The following CHCHD1 variants were observed in gnomAD, a reference collection of about 807,000 sequenced individuals.
The protein encoded by CHCHD1 is coiled-coil-helix-coiled-coil-helix domain containing 1.
In CHCHD1, 12 loss-of-function variants were observed where a neutral mutation model predicts 12.7. That is an observed-to-expected ratio of 0.95 (90% confidence interval 0.61 to 1.53). The LOEUF is 1.53. Among genes scored for constraint, CHCHD1 ranks in the 40% most tolerant of loss-of-function variants. CHCHD1 has a pLI of 0.00. For synonymous variants in CHCHD1, 57 were observed against 62.4 expected (o/e 0.91, Z 0.41); for missense variants, 151 against 155.8 (o/e 0.97, Z 0.17).
intron 2 of CHCHD1, 163 bp downstream of exon 2, chr10:73,782,604 GAC>G: frequency 6.9e-7 from 1 of 1,442,504 alleles, no homozygotes; most frequent in Middle Eastern, 2.3e-4. Flanking sequence ...GTGTGATCTT[GAC>G]GGATTTATTC....
At position 73,783,539 on chromosome 10, in the gene CHCHD1, T is replaced by A; in HGVS notation, c.*352T>A. ...ACCATTTAGTGCCCTTGCTTTTGGA[T>A]GCAATAAGGAAGTTGAAGTTGCCTT... On this transcript the variant is annotated 3_prime_UTR_variant, in exon 3 of 3. Transcript: ENST00000372833. 1 of 180,312 alleles carries A rather than the reference T, an allele frequency of 5.5e-6. No individual in the cohort carries two copies. Among genetic ancestry groups the A allele is most frequent in the Non-Finnish European group, 1.2e-5 (1 of 86,122 alleles). The allele number at this position is 180,312 out of a possible 1,614,324, so 11.2% of individuals were successfully genotyped here. A position where few individuals can be genotyped will look rare whatever the true frequency, so the allele number is the denominator to read the frequency against.
chr10:73,782,455 C>A lies in CHCHD1; in HGVS notation c.243+14C>A. The stretch of plus-strand genomic sequence containing the variant: ...GCGAGGGCTCAGGTGACCGATGGCT[C>A]CTGGGGTGCTTTCTCAGGAAAAGAA... On this transcript the variant is annotated intron_variant, in intron 2 of 2. Coordinates refer to ENST00000372833, the MANE Select transcript of CHCHD1 (RefSeq NM_203298.3). 1.2e-6 allele frequency: 2 copies of A among 1,614,024 alleles called. No homozygotes were observed. The highest frequency in any genetic ancestry group is 1.7e-6 in the Non-Finnish European group (2 of 1,179,962).
chr10:73,782,237 C>T (rs777173600), intron 1 of CHCHD1, 38 bp downstream of exon 1: 1 of 1,612,000 alleles, frequency 6.2e-7, no homozygotes, highest in South Asian at 1.1e-5. Flanking sequence ...GGAGCGGAAG[C>T]CGGAGCATGA....
chr10:73,783,117 C>T lies in CHCHD1; in HGVS notation c.287C>T (p.Ser96Phe). 6.2e-7 allele frequency: 1 copy of T among 1,613,994 alleles called. No homozygotes were observed. Among genetic ancestry groups the T allele is most frequent in the South Asian group, 1.1e-5 (1 of 91,028 alleles). The change falls in exon 3 of 3, where the codon TCT (serine) becomes TTT (phenylalanine). Residue 96 changes from serine (S) to phenylalanine (F), a missense_variant. Transcript: ENST00000372833. The part of the protein sequence containing the change: ...MRSIQETLGE[S>F]GSLLPNKLNK... Reference sequence around the variant, plus strand: ...TCAATACAGGAAACCCTGGGAGAGTCTGGGAGTTTACTTCCAAATAAATTG... The same window carrying T: ...TCAATACAGGAAACCCTGGGAGAGTTTGGGAGTTTACTTCCAAATAAATTG...
rs2083105786 is a variant in CHCHD1 at position 73,782,244 on chromosome 10, A to T, written c.124+45A>T. On this transcript the variant is annotated intron_variant, in intron 1 of 2. Transcript: ENST00000372833. ...ACGGCCCCGGAGCGGAAGCCGGAGC[A>T]TGAGCAGGGGCGGGTGGGTAGGAGG... is the stretch of plus-strand genomic sequence containing the variant. The T allele has an allele frequency of 1.9e-6, 3 of 1,611,690 alleles. No individual in the cohort carries two copies. The Admixed American group carries it at 5.0e-5, about 27-fold the overall frequency.
Position 73,782,134 on chromosome 10 carries a change from T to C in CHCHD1, c.59T>C (p.Val20Ala). The change falls in exon 1 of 3, where the codon GTG becomes GCG. Residue 20 changes from valine (V) to alanine (A), a missense_variant. Physicochemically the swap from Val to Ala is moderately conservative, Grantham distance 64. Transcript: ENST00000372833. Reference sequence around the variant, plus strand: ...CGGTTTGGGAACCCGCGGAAGCCTGTGCTGAAGCCCAATAAACCTCTCATT... The same window carrying C: ...CGGTTTGGGAACCCGCGGAAGCCTGCGCTGAAGCCCAATAAACCTCTCATT... The part of the protein sequence containing the change: ...LARFGNPRKP[V>A]LKPNKPLILA... 6.2e-7 allele frequency: 1 copy of C among 1,613,672 alleles called. No homozygotes were observed. Among genetic ancestry groups the C allele is most frequent in the Non-Finnish European group, 8.5e-7 (1 of 1,179,968 alleles).
intron 2 of CHCHD1, chr10:73,782,698 A>C: frequency 1.1e-6 from 1 of 887,306 alleles, no homozygotes; most frequent in Non-Finnish European, 1.6e-6. Flanking sequence ...TGTCAGATGA[A>C]GTAATGAATG....
chr10:73,782,620 G>C (rs2083108494), intron 2 of CHCHD1, 179 bp downstream of exon 2: 2 of 1,415,072 alleles, frequency 1.4e-6, no homozygotes, highest in Admixed American at 3.2e-5. Flanking sequence ...TTTATTCATT[G>C]CTCTGAACTT....
chr10:73,783,021 T>TA lies in CHCHD1; in HGVS notation c.244-53_244-52insA, dbSNP rs1207959697. 5.0e-6 allele frequency: 7 copies of TA among 1,401,888 alleles called. No individual in the cohort carries two copies. The African/African-American group carries it at 8.5e-5, about 17-fold the overall frequency. The allele number at this position is 1,401,888 out of a possible 1,614,324, so 86.8% of individuals were successfully genotyped here. A position where few individuals can be genotyped will look rare whatever the true frequency, so the allele number is the denominator to read the frequency against. On this transcript the variant is annotated intron_variant, in intron 2 of 2. Coordinates refer to ENST00000372833, the MANE Select transcript of CHCHD1 (RefSeq NM_203298.3). ...TTTTTTGGGTCAGATCTTAAAAGTC[T>TA]GGACTAGACAAACTGTAGAGCTGTC...
At chr10:73,782,231 C>T (rs2083105692) in intron 1 of CHCHD1, 32 bp downstream of exon 1, 23 of 1,611,972 alleles carry the variant, frequency 1.4e-5, no homozygotes, top group Non-Finnish European at 1.9e-5. Context: ...GGCCCCGGAG[C>T]GGAAGCCGGA....
At chr10:73,782,666 C>A in intron 2 of CHCHD1, 1 of 1,166,252 alleles carries the variant, frequency 8.6e-7, no homozygotes, top group Non-Finnish European at 1.1e-6. Flanking sequence ...CTAACCAATA[C>A]CACCTTAAAG....
chr10:73,782,288 T>C (rs372435625), intron 1 of CHCHD1, 35 bp from the exon 2 acceptor site: 3 of 1,610,306 alleles, frequency 1.9e-6, no homozygotes, highest in Non-Finnish European at 2.5e-6. Context: ...GTGGGTCTTC[T>C]TGTGACTGAA....
At chr10:73,782,511 C>T in intron 2 of CHCHD1, 70 bp downstream of exon 2, 4 of 1,600,100 alleles carry the variant, frequency 2.5e-6, no homozygotes, top group Non-Finnish European at 3.4e-6. Flanking sequence ...ATTCTCCCTG[C>T]CTTTTGCTAG....
intron 1 of CHCHD1, 61 bp from the exon 2 acceptor site, chr10:73,782,262 G>GT: frequency 1.9e-6 from 3 of 1,609,422 alleles, no homozygotes; most frequent in Non-Finnish European, 2.5e-6. Flanking sequence ...GGGCGGGTGG[G>GT]TAGGAGGGCA....
Position 73,782,062 on chromosome 10 carries a change from G to A in CHCHD1, c.-14G>A, listed in dbSNP as rs756890555. The A allele has an allele frequency of 1.1e-5, 17 of 1,612,426 alleles. No individual in the cohort carries two copies. In the Admixed American group the frequency reaches 2.7e-4, roughly 25 times the overall value. On this transcript the variant is annotated 5_prime_UTR_variant, in exon 1 of 3. Coordinates refer to ENST00000372833, the MANE Select transcript of CHCHD1 (RefSeq NM_203298.3). ...CGCACGGAACCGCAAAGCCTGCCGG[G>A]AGCTTGGTGCGCTATGGCGACACCC...
Position 73,782,448 on chromosome 10 carries a change from G to A in CHCHD1, c.243+7G>A. ...TTGTGCCGCGAGGGCTCAGGTGACC[G>A]ATGGCTCCTGGGGTGCTTTCTCAGG... On this transcript the variant is annotated splice_region_variant and intron_variant, in intron 2 of 2. Coordinates refer to ENST00000372833, the MANE Select transcript of CHCHD1 (RefSeq NM_203298.3). 1 of 1,614,174 alleles carries A rather than the reference G, an allele frequency of 6.2e-7. No individual in the cohort carries two copies. Among genetic ancestry groups the A allele is most frequent in the Non-Finnish European group, 8.5e-7 (1 of 1,180,016 alleles).
chr10:73,782,888 G>A, intron 2 of CHCHD1, 186 bp from the exon 3 acceptor site: 2 of 611,798 alleles, frequency 3.3e-6, no homozygotes, highest in Non-Finnish European at 5.7e-6. Context: ...CCCTTTTGTT[G>A]AAAAGAGGCT....
Position 73,783,411 on chromosome 10 carries a change from C to A in CHCHD1, c.*224C>A. On this transcript the variant is annotated 3_prime_UTR_variant, in exon 3 of 3. Transcript: ENST00000372833. ...TTGTGAATTAGGTACTCTCTTCATTCTTGAGCCTCCCCTAGACCCTGGAAA... is the reference window on the plus strand; with the variant it reads ...TTGTGAATTAGGTACTCTCTTCATTATTGAGCCTCCCCTAGACCCTGGAAA... The A allele has an allele frequency of 2.1e-6, 1 of 481,736 alleles. No homozygotes were observed. Among genetic ancestry groups the A allele is most frequent in the Non-Finnish European group, 3.7e-6 (1 of 269,846 alleles). The allele number at this position is 481,736 out of a possible 1,614,324, so 29.8% of individuals were successfully genotyped here.
intron 1 of CHCHD1, 23 bp downstream of exon 1, chr10:73,782,222 GC>G: frequency 6.2e-7 from 1 of 1,613,078 alleles, no homozygotes; most frequent in Non-Finnish European, 8.5e-7. Context: ...AGTCAGGACG[GC>G]CCCGGAGCGG....
Sources: gnomAD v4.1 joint callset for allele counts on GRCh38, gnomAD v4.1.1 for gene constraint, MANE v1.5 for transcripts, NCBI Gene and HGNC (gene_info 2026-07-23, HGNC 2026-07-21) for gene names.